The following RELCH variants were observed in gnomAD, a reference collection of about 807,000 sequenced individuals.
RELCH encodes RAB11 binding and LisH domain, coiled-coil and HEAT repeat containing.
A neutral mutation model predicts 150.3 loss-of-function variants in RELCH; 41 were observed. That is an observed-to-expected ratio of 0.27 (90% CI 0.21 to 0.35). The LOEUF is 0.35. Among genes scored for constraint, RELCH ranks in the 10% least tolerant of loss-of-function variants. The pLI is 1.00. For synonymous variants in RELCH, 478 were observed against 531.8 expected (o/e 0.90, Z 1.39); for missense variants, 1,092 against 1,467.8 (o/e 0.74, Z 4.18).
chr18:62,207,438 T>C (rs979937464), intron 1 of RELCH, among the ~76,000 whole-genome samples: 3 of 152,234 alleles, frequency 2.0e-5, no homozygotes, highest in African/African-American at 7.2e-5. Flanking sequence ...TTTTTTGCCA[T>C]TGTGAATAAT....
intron 27 of RELCH, among the ~76,000 whole-genome samples, chr18:62,296,018 G>A (rs2939418): frequency 0.28 from 42,871 of 152,018 alleles, 7,177 homozygotes; most frequent in East Asian, 0.59. Flanking sequence ...GGGGCAGGGG[G>A]AATTATCTTG....
chr18:62,269,802 T>A (rs1489263293), intron 20 of RELCH, among the ~76,000 whole-genome samples: 1 of 152,176 alleles, frequency 6.6e-6, no homozygotes, highest in Non-Finnish European at 1.5e-5. Flanking sequence ...CCAGAATACC[T>A]GTATCATCTG....
chr18:62,261,436 G>A (rs977697895), intron 15 of RELCH, 75 bp from the exon 16 acceptor site: 39 of 1,370,964 alleles, frequency 2.8e-5, no homozygotes, highest in Non-Finnish European at 3.5e-5. Context: ...CAGTAAGGAA[G>A]AACATCATAC....
intron 10 of RELCH, among the ~76,000 whole-genome samples, chr18:62,243,062 C>T (rs765809269): frequency 3.3e-5 from 5 of 152,078 alleles, no homozygotes; most frequent in African/African-American, 4.8e-5. Context: ...ATTAGAATAG[C>T]TTCTCACTTT....
At chr18:62,256,682 G>A (rs1256891022) in intron 13 of RELCH, among the ~76,000 whole-genome samples, 1 of 151,980 alleles carries the variant, frequency 6.6e-6, no homozygotes, top group African/African-American at 2.4e-5. Context: ...GTGTGTTCAT[G>A]ACTTAAATAG....
At chr18:62,201,005 G>T (rs1396366631) in intron 1 of RELCH, among the ~76,000 whole-genome samples, 1 of 105,376 alleles carries the variant, frequency 9.5e-6, no homozygotes, top group Non-Finnish European at 1.7e-5. Flanking sequence ...ACTGAGACTA[G>T]CTCTGTTGCC....
At chr18:62,298,154 G>C (rs541633700) in intron 27 of RELCH, among the ~76,000 whole-genome samples, 1 of 151,120 alleles carries the variant, frequency 6.6e-6, no homozygotes, top group African/African-American at 2.5e-5. Flanking sequence ...TTTTTTTAGG[G>C]ACCTCCATGC....
At chr18:62,211,050 A>G in intron 1 of RELCH, 103 bp from the exon 2 acceptor site, 1 of 586,716 alleles carries the variant, frequency 1.7e-6, no homozygotes. Flanking sequence ...CCTGGATCTT[A>G]GAATTCCAGG....
At chr18:62,197,958 G>T (rs984573154) in intron 1 of RELCH, among the ~76,000 whole-genome samples, 2 of 152,156 alleles carry the variant, frequency 1.3e-5, no homozygotes, top group Non-Finnish European at 2.9e-5. Flanking sequence ...CTTCAGTTCT[G>T]TCTCTGCCAC....
intron 10 of RELCH, among the ~76,000 whole-genome samples, chr18:62,243,903 A>G (rs928063671): frequency 6.6e-6 from 1 of 152,034 alleles, no homozygotes; most frequent in Non-Finnish European, 1.5e-5. Context: ...CATCATAGTG[A>G]TTTCTTTACT....
At chr18:62,209,378 A>G (rs886268027) in intron 1 of RELCH, among the ~76,000 whole-genome samples, 11 of 152,138 alleles carry the variant, frequency 7.2e-5, no homozygotes, top group Admixed American at 5.9e-4. Context: ...GCCCAGCACA[A>G]TTTGTTGAAA....
intron 1 of RELCH, among the ~76,000 whole-genome samples, chr18:62,200,562 CTT>C (rs777685514): frequency 4.0e-4 from 56 of 139,672 alleles, no homozygotes; most frequent in Non-Finnish European, 4.7e-4. Flanking sequence ...CTGTCCCCAA[CTT>C]TTTTTTTTTT....
At chr18:62,278,299 T>A (rs964249160) in intron 22 of RELCH, among the ~76,000 whole-genome samples, 1 of 152,180 alleles carries the variant, frequency 6.6e-6, no homozygotes, top group African/African-American at 2.4e-5. Context: ...AAAGTTTTAT[T>A]TAACAATATT....
At chr18:62,274,642 A>G (rs1381792095) in intron 21 of RELCH, among the ~76,000 whole-genome samples, 1 of 152,256 alleles carries the variant, frequency 6.6e-6, no homozygotes, top group African/African-American at 2.4e-5. Flanking sequence ...TGTGACATAC[A>G]TAGGACATGT....
In RELCH at chr18:62,305,030, C is replaced by T. The variant is rs1290088887; in HGVS notation, c.3531-384C>T. Among the ~76,000 whole-genome samples the T allele has an allele frequency of 6.6e-6, 1 of 152,238 alleles. No homozygotes were observed. Among genetic ancestry groups the T allele is most frequent in the African/African-American group, 2.4e-5 (1 of 41,466 alleles). On this transcript the variant is annotated intron_variant, in intron 28 of 28. Coordinates refer to ENST00000644646, the MANE Select transcript of RELCH (RefSeq NM_001346231.2). The surrounding 1 kb of genome is among the most constrained non-coding windows in gnomAD (Gnocchi z 4.0). ...GATAAAGAATAACTACTAACAATTA[C>T]ATCATGCTATTATGTGCCTAGCACT...
intron 25 of RELCH, chr18:62,285,319 C>A (rs941652844): frequency 6.6e-6 from 1 of 152,088 alleles, no homozygotes; most frequent in Non-Finnish European, 1.5e-5. Flanking sequence ...CTGCGAAATA[C>A]GGTTTTATAA....
chr18:62,283,095 A>G (rs1393676669), intron 25 of RELCH, among the ~76,000 whole-genome samples: 1 of 152,214 alleles, frequency 6.6e-6, no homozygotes, highest in Non-Finnish European at 1.5e-5. Context: ...TAATTGCTAA[A>G]TACTGTGCTG....
intron 12 of RELCH, among the ~76,000 whole-genome samples, chr18:62,254,425 T>C (rs2042889583): frequency 6.6e-6 from 1 of 152,138 alleles, no homozygotes; most frequent in Non-Finnish European, 1.5e-5. Flanking sequence ...AGACATACAA[T>C]TGATTTTTGC....
chr18:62,224,387 T>C (rs1246925911), intron 5 of RELCH, among the ~76,000 whole-genome samples: 2 of 152,188 alleles, frequency 1.3e-5, no homozygotes, highest in Non-Finnish European at 2.9e-5. Flanking sequence ...TTATTCTCAC[T>C]ACTTCTATTC....
Sources: gnomAD v4.1 joint callset for allele counts (sites outside exome capture counted in the v4.1 genomes callset) on GRCh38, gnomAD v4.1.1 for gene constraint, Gnocchi (gnomAD v3.1) non-coding constraint, MANE v1.5 for transcripts, NCBI Gene and HGNC (gene_info 2026-07-23, HGNC 2026-07-21) for gene names.